The following GNB1 variants were observed in gnomAD, a reference collection of about 807,000 sequenced individuals.
GNB1 encodes guanine nucleotide-binding protein G(I)/G(S)/G(T) subunit beta-1.
Under a neutral mutation model 42.9 loss-of-function variants are expected in GNB1, and 2 were observed. The ratio of observed to expected loss-of-function variants is 0.05; its 90% CI spans 0.02 to 0.15. GNB1 has a LOEUF of 0.15. Ranked by LOEUF, GNB1 falls within the 10% of genes least tolerant of loss-of-function variation. The probability of loss-of-function intolerance (pLI) is 1.00; values close to 1 mark genes in which losing one functional copy is unlikely to be tolerated. For synonymous variants in GNB1, 183 were observed against 174.7 expected (o/e 1.05, Z -0.38); for missense variants, 193 against 462.2 (o/e 0.42, Z 5.34).
intron 1 of GNB1, among the ~76,000 whole-genome samples, chr1:1,858,384 A>T (rs921530732): frequency 1.3e-5 from 2 of 152,214 alleles, no homozygotes; most frequent in Non-Finnish European, 2.9e-5. Flanking sequence ...CTTGTACCAT[A>T]GAAGCCATAT....
At chr1:1,815,934 A>G in intron 4 of GNB1, 72 bp from the exon 5 acceptor site, 1 of 953,220 alleles carries the variant, frequency 1.0e-6, no homozygotes, top group Non-Finnish European at 1.7e-6. Context: ...CATCCTTGTC[A>G]AGGCTGTTGG....
rs1184304027 is a variant in GNB1 at position 1,812,168 on chromosome 1, A to C, written c.203+3588T>G. On this transcript the variant is annotated intron_variant, in intron 5 of 11. Coordinates refer to ENST00000378609, the MANE Select transcript of GNB1 (RefSeq NM_002074.5). ...ATGAAGGCAGGAAATATGAAGATTA[A>C]AGAAAATATATACCCTCCCCACTCT... Among the ~76,000 whole-genome samples, 4 of 152,110 alleles carry C rather than the reference A, an allele frequency of 2.6e-5. No individual in the cohort carries two copies. In the East Asian group the frequency reaches 7.7e-4, roughly 29 times the overall value.
chr1:1,832,054 AC>A (rs1178132170), intron 2 of GNB1, among the ~76,000 whole-genome samples: 2 of 140,222 alleles, frequency 1.4e-5, no homozygotes, highest in East Asian at 4.1e-4. Flanking sequence ...ATGGAGTGAG[AC>A]CTTGTCTCAA....
chr1:1,827,638 G>A (rs1647017058), intron 2 of GNB1, among the ~76,000 whole-genome samples: 1 of 152,170 alleles, frequency 6.6e-6, no homozygotes, highest in Non-Finnish European at 1.5e-5. Flanking sequence ...GACAAGATGA[G>A]CAGTGTCTCA....
rs115096152 is a variant in GNB1, at chr1:1,786,460, C to T, written c.*603G>A. On this transcript the variant is annotated 3_prime_UTR_variant, in exon 12 of 12. Transcript: ENST00000378609. Reference sequence around the variant, plus strand: ...TGTGTGCAACAATGATCTGTGACATCAGACAGAAAATTAAAAACCAGGGAC... The same window carrying T: ...TGTGTGCAACAATGATCTGTGACATTAGACAGAAAATTAAAAACCAGGGAC... 1,364 of 182,158 alleles carry T rather than the reference C, an allele frequency of 7.5e-3. 22 individuals are homozygous for T. The highest frequency in any genetic ancestry group is 0.03 in the African/African-American group (1,305 of 42,956). 11.3% of individuals were successfully genotyped at this position (182,158 alleles called of 1,614,324 possible).
chr1:1,858,848 T>C (rs1648447484), intron 1 of GNB1, among the ~76,000 whole-genome samples: 1 of 152,118 alleles, frequency 6.6e-6, no homozygotes, highest in Non-Finnish European at 1.5e-5. Context: ...CTGTTTGCAG[T>C]GGCTGCTGTG....
At chr1:1,793,357 T>C (rs1344603783) in intron 7 of GNB1, 46 bp from the exon 8 acceptor site, 4 of 1,352,040 alleles carry the variant, frequency 3.0e-6, no homozygotes, top group East Asian at 2.3e-5. Context: ...CAGCAGGCCT[T>C]GCACCCAGCC....
In GNB1 at chr1:1,857,210, T is replaced by C. The variant is rs532260789; in HGVS notation, c.-95-17972A>G. Among the ~76,000 whole-genome samples the C allele has an allele frequency of 4.6e-5, 7 of 152,096 alleles. No individual in the cohort carries two copies. In the East Asian group the frequency reaches 9.7e-4, roughly 21 times the overall value. On this transcript the variant is annotated intron_variant, in intron 1 of 11. Coordinates refer to ENST00000378609, the MANE Select transcript of GNB1 (RefSeq NM_002074.5). ...TCTAGCCAAGGTTCTCACTGGGAAGTGGGGAGAGGAGGAATATGAGAGGTC... is the reference window on the plus strand; with the variant it reads ...TCTAGCCAAGGTTCTCACTGGGAAGCGGGGAGAGGAGGAATATGAGAGGTC...
At chr1:1,843,958 G>A (rs1305214266) in intron 1 of GNB1, among the ~76,000 whole-genome samples, 1 of 152,118 alleles carries the variant, frequency 6.6e-6, no homozygotes, top group Non-Finnish European at 1.5e-5. Context: ...CACTTTGGGA[G>A]GCCGAGGCGG....
chr1:1,787,189 C>T lies in GNB1; in HGVS notation c.*9+133G>A. 4.8e-6 allele frequency: 3 copies of T among 624,112 alleles called. No individual in the cohort carries two copies. The highest frequency in any genetic ancestry group is 1.9e-5 in the South Asian group (1 of 51,420). The allele number at this position is 624,112 out of a possible 1,614,324, so 38.7% of individuals were successfully genotyped here. A position where few individuals can be genotyped will look rare whatever the true frequency, so the allele number is the denominator to read the frequency against. On this transcript the variant is annotated intron_variant, in intron 11 of 11. Transcript: ENST00000378609. The surrounding 1 kb of genome is among the most constrained non-coding windows in gnomAD (Gnocchi z 4.4). ...GCACGTGACTTCAGCTTTCTGTAAA[C>T]GTTTCCCACAACACAATTCCAAATC...
chr1:1,804,624 A>C lies in GNB1; in HGVS notation c.268-43T>G, dbSNP rs749464421. On this transcript the variant is annotated intron_variant, in intron 6 of 11. Coordinates refer to ENST00000378609, the MANE Select transcript of GNB1 (RefSeq NM_002074.5). ...GATGATGCAAACAACTTTATGTTCA[A>C]AAACAACACTGACACCAGGATTTTC... is the stretch of plus-strand genomic sequence containing the variant. The C allele has an allele frequency of 2.8e-6, 4 of 1,450,238 alleles. No homozygotes were observed. The South Asian group carries it at 5.2e-5, about 19-fold the overall frequency. The allele number at this position is 1,450,238 out of a possible 1,614,324, so 89.8% of individuals were successfully genotyped here.
At chr1:1,838,484 C>T (rs1647181116) in intron 2 of GNB1, among the ~76,000 whole-genome samples, 1 of 150,722 alleles carries the variant, frequency 6.6e-6, no homozygotes, top group East Asian at 2.0e-4. Context: ...TCGCTCTGTC[C>T]CACAGGCTGG....
chr1:1,820,706 T>C (rs1336020602), intron 3 of GNB1, among the ~76,000 whole-genome samples: 4 of 152,134 alleles, frequency 2.6e-5, no homozygotes, highest in South Asian at 4.1e-4. Flanking sequence ...TTAAGCAACT[T>C]CCCCCGGTTA....
chr1:1,797,822 G>A (rs982464101), intron 7 of GNB1, among the ~76,000 whole-genome samples: 4 of 152,202 alleles, frequency 2.6e-5, no homozygotes, highest in African/African-American at 7.2e-5. Context: ...GTTGGGAGCA[G>A]GGGCAAGGAG....
chr1:1,869,852 TC>T (rs1450651336), intron 1 of GNB1, among the ~76,000 whole-genome samples: 1 of 152,136 alleles, frequency 6.6e-6, no homozygotes, highest in African/African-American at 2.4e-5. Flanking sequence ...GTCTTCAGAT[TC>T]AAAAACAATC....
intron 2 of GNB1, among the ~76,000 whole-genome samples, chr1:1,834,446 A>C (rs1647117726): frequency 6.6e-6 from 1 of 152,136 alleles, no homozygotes; most frequent in African/African-American, 2.4e-5. Flanking sequence ...TCTAGCACAT[A>C]CTAGGACAAT....
At chr1:1,825,376 C>T in intron 3 of GNB1, 21 bp downstream of exon 3, 8 of 1,574,448 alleles carry the variant, frequency 5.1e-6, no homozygotes, top group Non-Finnish European at 7.0e-6. Context: ...TTAATAAAAC[C>T]AAGCACACAC....
At position 1,790,250 on chromosome 1, in the gene GNB1, G is replaced by T. The variant is rs1646463862; in HGVS notation, c.699+145C>A. ...TCAACACAGAGAAGTTTCCCATCGG[G>T]AGTTTTCTGTATCCCCATCTGTACA... On this transcript the variant is annotated intron_variant, in intron 9 of 11. Coordinates refer to ENST00000378609, the MANE Select transcript of GNB1 (RefSeq NM_002074.5). The surrounding 1 kb of genome is among the most constrained non-coding windows in gnomAD (Gnocchi z 5.4). 2 of 630,388 alleles carry T rather than the reference G, an allele frequency of 3.2e-6. No individual in the cohort carries two copies. The highest frequency in any genetic ancestry group is 1.8e-5 in the African/African-American group (1 of 54,616). The allele number at this position is 630,388 out of a possible 1,614,324, so 39.0% of individuals were successfully genotyped here.
At chr1:1,860,466 AAAAC>A (rs558281553) in intron 1 of GNB1, among the ~76,000 whole-genome samples, 10 of 151,984 alleles carry the variant, frequency 6.6e-5, no homozygotes, top group East Asian at 1.9e-4. Context: ...TAAATAAATA[AAAAC>A]AAACAAACAA....
Sources: gnomAD v4.1 joint callset for allele counts (sites outside exome capture counted in the v4.1 genomes callset) on GRCh38, gnomAD v4.1.1 for gene constraint, Gnocchi (gnomAD v3.1) non-coding constraint, MANE v1.5 for transcripts, NCBI Gene and HGNC (gene_info 2026-07-23, HGNC 2026-07-21) for gene names.